ABCA13: variants seen among roughly 807,000 people sequenced by gnomAD.
ABCA13 encodes the protein ATP-binding cassette sub-family A member 13.
Under a neutral mutation model 478.7 loss-of-function variants are expected in ABCA13, and 476 were observed. The ratio of observed to expected loss-of-function variants is 0.99; its 90% confidence interval spans 0.92 to 1.07. The LOEUF (loss-of-function observed/expected upper bound fraction) is 1.07, where lower values mean the gene tolerates loss of function less well. Among genes scored for constraint, ABCA13 ranks in the 50% least tolerant of loss-of-function variants. The pLI, the probability that ABCA13 is intolerant of heterozygous loss-of-function variation, is 0.00. For synonymous variants in ABCA13, 2,252 were observed against 2,158.9 expected (o/e 1.04, Z -1.20); for missense variants, 6,060 against 5,910.6 (o/e 1.03, Z -0.83).
At chr7:48,195,799 G>A (rs1031717050) in intron 2 of ABCA13, among the ~76,000 whole-genome samples, 3 of 152,138 alleles carry the variant, frequency 2.0e-5, no homozygotes, top group Non-Finnish European at 4.4e-5. Flanking sequence ...GAAACAAAGA[G>A]GTTTGGAGTC....
chr7:48,324,662 T>C (rs1647959778), intron 27 of ABCA13, among the ~76,000 whole-genome samples: 1 of 152,140 alleles, frequency 6.6e-6, no homozygotes, highest in Admixed American at 6.5e-5. Context: ...GACTGCATAC[T>C]AAAAACAAAA....
chr7:48,583,679 T>C (rs912362285), intron 56 of ABCA13, among the ~76,000 whole-genome samples: 2 of 152,240 alleles, frequency 1.3e-5, no homozygotes, highest in African/African-American at 4.8e-5. Context: ...TAGAGCTTCA[T>C]GAGAGAAAAA....
intron 35 of ABCA13, 64 bp from the exon 36 acceptor site, chr7:48,387,758 A>T: frequency 7.8e-7 from 1 of 1,276,638 alleles, no homozygotes; most frequent in Non-Finnish European, 1.1e-6. Context: ...TACTTAAGAT[A>T]TTCTAATACA....
chr7:48,422,152 C>T (rs906689528), intron 41 of ABCA13, among the ~76,000 whole-genome samples: 12 of 151,018 alleles, frequency 7.9e-5, no homozygotes, highest in Non-Finnish European at 1.2e-4. Flanking sequence ...TTTGAGAGAC[C>T]CTGTTCCCTT....
intron 51 of ABCA13, among the ~76,000 whole-genome samples, chr7:48,514,265 C>T (rs1040745993): frequency 9.2e-5 from 14 of 152,144 alleles, no homozygotes; most frequent in Admixed American, 2.6e-4. Context: ...TGTGAGGTAG[C>T]TTTACCTAAA....
intron 44 of ABCA13, 35 bp from the exon 45 acceptor site, chr7:48,471,495 A>G (rs1291502600): frequency 2.0e-6 from 3 of 1,525,160 alleles, no homozygotes; most frequent in East Asian, 2.4e-5. Flanking sequence ...TTGTAAATCT[A>G]AAAGATCATT....
chr7:48,402,330 G>A (rs1292021062), intron 38 of ABCA13, among the ~76,000 whole-genome samples: 1 of 152,150 alleles, frequency 6.6e-6, no homozygotes, highest in Non-Finnish European at 1.5e-5. Flanking sequence ...TCTGGTTAAT[G>A]TGCTAAGTTT....
rs1356000165 is a variant in ABCA13 at position 48,647,286 on chromosome 7, A to C, written c.*1774A>C. 2 of 152,200 alleles carry C rather than the reference A, an allele frequency of 1.3e-5. No individual in the cohort carries two copies. Among genetic ancestry groups the C allele is most frequent in the African/African-American group, 4.8e-5 (2 of 41,442 alleles). The allele number at this position is 152,200 out of a possible 1,614,324, so 9.4% of individuals were successfully genotyped here. On this transcript the variant is annotated 3_prime_UTR_variant, in exon 62 of 62. Coordinates refer to ENST00000435803, the MANE Select transcript of ABCA13 (RefSeq NM_152701.5). ...ATCACTGATAGCTTTGTTGTGAGCAATTTTGATTCCCATGTATCACATGAA... is the reference window on the plus strand; with the variant it reads ...ATCACTGATAGCTTTGTTGTGAGCACTTTTGATTCCCATGTATCACATGAA...
At position 48,528,291 on chromosome 7, in the gene ABCA13, T is replaced by C. The variant is rs774318689; in HGVS notation, c.14300T>C (p.Leu4767Pro). 15 of 1,579,046 alleles carry C rather than the reference T, an allele frequency of 9.5e-6. No homozygotes were observed. The highest frequency in any genetic ancestry group is 1.2e-5 in the Non-Finnish European group (14 of 1,161,172). The change falls in exon 55 of 62, where the codon CTG becomes CCG. Residue 4767 changes from leucine to proline, a missense_variant. This residue lies in a region of ABCA13 where 1,627 missense variants were observed against 1,571.0 expected (regional missense o/e 1.04). Coordinates refer to ENST00000435803, the MANE Select transcript of ABCA13 (RefSeq NM_152701.5). ...GAGKSTTFKM[L>P]NGEVSLTSGH... ...GGGAAGAGCACGACTTTCAAAATGC[T>C]GAATGGTGAAGTTTCTCTAACTTCA...
chr7:48,478,775 A>G (rs965849462), intron 45 of ABCA13, among the ~76,000 whole-genome samples: 8 of 152,062 alleles, frequency 5.3e-5, no homozygotes, highest in African/African-American at 1.4e-4. Flanking sequence ...AAGAATTTCA[A>G]CTTCATCCTG....
chr7:48,604,379 T>G (rs977239103), intron 58 of ABCA13, among the ~76,000 whole-genome samples: 2 of 152,186 alleles, frequency 1.3e-5, no homozygotes, highest in Admixed American at 6.5e-5. Flanking sequence ...GTGCTATAAA[T>G]TTCCCTCTAC....
chr7:48,442,847 A>G (rs1277820432), intron 42 of ABCA13, among the ~76,000 whole-genome samples: 2 of 152,160 alleles, frequency 1.3e-5, no homozygotes, highest in African/African-American at 2.4e-5. Flanking sequence ...TCTACTTACA[A>G]TCATAAGTTA....
At chr7:48,362,409 C>CTTTTTTTTTTTTTTTT (rs35795708) in intron 31 of ABCA13, among the ~76,000 whole-genome samples, 2 of 86,006 alleles carry the variant, frequency 2.3e-5, no homozygotes, top group South Asian at 4.5e-4. Context: ...TCCTCTTCTT[C>CTTTTTTTTTTTTTTTT]TTTTTTTTTT....
intron 51 of ABCA13, among the ~76,000 whole-genome samples, chr7:48,514,167 T>C (rs1325995486): frequency 3.3e-5 from 5 of 152,188 alleles, no homozygotes; most frequent in African/African-American, 9.7e-5. Flanking sequence ...GCTGTACCCT[T>C]AGATTGTATT....
intron 13 of ABCA13, among the ~76,000 whole-genome samples, chr7:48,247,983 CAG>C (rs1356565633): frequency 2.6e-5 from 4 of 152,208 alleles, no homozygotes; most frequent in Admixed American, 6.5e-5. Flanking sequence ...CTAGCTAACA[CAG>C]ATAGCTATGA....
intron 27 of ABCA13, among the ~76,000 whole-genome samples, chr7:48,324,445 C>T (rs775556748): frequency 1.3e-5 from 2 of 152,178 alleles, no homozygotes; most frequent in Non-Finnish European, 2.9e-5. Flanking sequence ...GTTAAGACTT[C>T]AGCATATGAA....
At chr7:48,347,400 C>T (rs34422634) in intron 29 of ABCA13, among the ~76,000 whole-genome samples, 1 of 152,200 alleles carries the variant, frequency 6.6e-6, no homozygotes, top group Non-Finnish European at 1.5e-5. Flanking sequence ...TGTATCCACC[C>T]TCCTCCCTGG....
intron 47 of ABCA13, among the ~76,000 whole-genome samples, chr7:48,485,354 C>A (rs975870466): frequency 6.6e-6 from 1 of 151,992 alleles, no homozygotes; most frequent in Non-Finnish European, 1.5e-5. Flanking sequence ...CATTATTGGA[C>A]TTTATCACTT....
intron 3 of ABCA13, among the ~76,000 whole-genome samples, chr7:48,217,135 C>T (rs1786605987): frequency 6.6e-6 from 1 of 152,180 alleles, no homozygotes; most frequent in Non-Finnish European, 1.5e-5. Context: ...AAGATACCTG[C>T]TCTTGTGTAT....
Sources: allele counts gnomAD v4.1 joint callset (sites outside exome capture counted in the v4.1 genomes callset), GRCh38; gene constraint gnomAD v4.1.1; regional missense constraint gnomAD v4.1.1; transcripts MANE v1.5; gene names NCBI Gene and HGNC (gene_info 2026-07-23, HGNC 2026-07-21).